The following FOXP2 variants were observed in gnomAD, a reference collection of about 807,000 sequenced individuals.
FOXP2 encodes forkhead box P2.
Under a neutral mutation model 115.8 loss-of-function variants are expected in FOXP2, and 12 were observed. That is an observed-to-expected ratio of 0.10 (90% CI 0.07 to 0.17). The LOEUF is 0.17. FOXP2 is among the 10% of genes least tolerant of loss of function. The pLI, the probability that FOXP2 is intolerant of heterozygous loss-of-function variation, is 1.00. For synonymous variants in FOXP2, 328 were observed against 297.7 expected (o/e 1.10, Z -1.05); for missense variants, 629 against 843.5 (o/e 0.75, Z 3.15).
At chr7:114,504,081 A>C (rs1797695703) in intron 2 of FOXP2, among the ~76,000 whole-genome samples, 1 of 151,646 alleles carries the variant, frequency 6.6e-6, no homozygotes, top group Non-Finnish European at 1.5e-5. Flanking sequence ...GCGATTGCAC[A>C]GTTTTTGCAA....
At chr7:114,252,469 T>A (rs914261983) in intron 1 of FOXP2, among the ~76,000 whole-genome samples, 2 of 152,070 alleles carry the variant, frequency 1.3e-5, no homozygotes, top group Non-Finnish European at 2.9e-5. Flanking sequence ...TCAATTTCAG[T>A]GCCTGTTATT....
chr7:114,471,962 G>C (rs1258265667), intron 2 of FOXP2, among the ~76,000 whole-genome samples: 2 of 120,708 alleles, frequency 1.7e-5, no homozygotes, highest in South Asian at 5.2e-4. Context: ...TCCATCTCAG[G>C]AAAAAAAAAA....
At chr7:114,388,596 G>A (rs771536783) in intron 2 of FOXP2, among the ~76,000 whole-genome samples, 1 of 152,160 alleles carries the variant, frequency 6.6e-6, no homozygotes, top group Non-Finnish European at 1.5e-5. Context: ...AGTTCTGATA[G>A]CCACATTTTA....
At chr7:114,553,976 T>G (rs1383142512) in intron 3 of FOXP2, among the ~76,000 whole-genome samples, 1 of 152,086 alleles carries the variant, frequency 6.6e-6, no homozygotes, top group African/African-American at 2.4e-5. Flanking sequence ...ATTGTGCTTT[T>G]AAATCTTTTT....
At chr7:114,171,794 GA>G (rs1309233425) in intron 1 of FOXP2, among the ~76,000 whole-genome samples, 9 of 152,152 alleles carry the variant, frequency 5.9e-5, no homozygotes, top group Non-Finnish European at 1.3e-4. Flanking sequence ...AAAGTCAATT[GA>G]AAACCTTCTA....
At chr7:114,087,573 G>C (rs1292085148), upstream of FOXP2, among the ~76,000 whole-genome samples, 1 of 150,116 alleles carries the variant, frequency 6.7e-6, no homozygotes, top group East Asian at 2.0e-4. Context: ...GCAGGCGGGC[G>C]GGCAGAGCGC....
At chr7:114,638,903 T>G (rs1805373306) in intron 6 of FOXP2, among the ~76,000 whole-genome samples, 1 of 152,190 alleles carries the variant, frequency 6.6e-6, no homozygotes, top group East Asian at 1.9e-4. Flanking sequence ...TTAAGAAACA[T>G]TATTTGGATT....
intron 2 of FOXP2, among the ~76,000 whole-genome samples, chr7:114,381,186 G>T (rs1259733233): frequency 6.6e-6 from 1 of 152,186 alleles, no homozygotes; most frequent in Non-Finnish European, 1.5e-5. Context: ...TTTGGGATGA[G>T]GATAAGCCAG....
chr7:114,223,481 T>C lies in FOXP2; in HGVS notation c.-102+60393T>C, dbSNP rs569624981. ...TGATTTGAAGGAATTCTTTATATAT[T>C]ATATACATTATATATATATTATATA... On this transcript the variant is annotated intron_variant, in intron 1 of 17. Transcript: ENST00000634411. Among the ~76,000 whole-genome samples the C allele has an allele frequency of 2.2e-4, 32 of 147,116 alleles. 1 individual carries two copies. The South Asian group carries it at 6.7e-3, about 31-fold the overall frequency.
intron 1 of FOXP2, among the ~76,000 whole-genome samples, chr7:114,200,536 T>C (rs1481571388): frequency 6.6e-6 from 1 of 152,242 alleles, no homozygotes; most frequent in Non-Finnish European, 1.5e-5. Flanking sequence ...CATTTATTGA[T>C]CTTGCAGTGC....
At chr7:114,341,357 A>G (rs748143717) in intron 2 of FOXP2, among the ~76,000 whole-genome samples, 14 of 151,248 alleles carry the variant, frequency 9.3e-5, no homozygotes, top group Non-Finnish European at 1.3e-4. Flanking sequence ...AGTGTCTGAC[A>G]TGTAGCAAAA....
chr7:114,491,038 G>T (rs965325160), intron 2 of FOXP2, among the ~76,000 whole-genome samples: 1 of 152,180 alleles, frequency 6.6e-6, no homozygotes, highest in African/African-American at 2.4e-5. Context: ...GGATGGCTGG[G>T]CCAAATGGTA....
chr7:114,473,021 C>T (rs1164804992), intron 2 of FOXP2, among the ~76,000 whole-genome samples: 1 of 152,190 alleles, frequency 6.6e-6, no homozygotes, highest in African/African-American at 2.4e-5. Flanking sequence ...TGCATTATCA[C>T]ATTTAACCTT....
At chr7:114,373,817 A>G (rs1318664830) in intron 2 of FOXP2, among the ~76,000 whole-genome samples, 1 of 152,244 alleles carries the variant, frequency 6.6e-6, no homozygotes, top group Non-Finnish European at 1.5e-5. Context: ...GCAGTGTTCT[A>G]TCCACAGCAT....
At chr7:114,288,031 G>A (rs1282220007) in exon 2 of FOXP2, 1 of 453,176 alleles carries the variant, frequency 2.2e-6, no homozygotes. Flanking sequence ...CTACTCTAAT[G>A]TGATGCTGGG....
At chr7:114,315,016 A>C (rs2129180618) in intron 2 of FOXP2, among the ~76,000 whole-genome samples, 1 of 152,306 alleles carries the variant, frequency 6.6e-6, no homozygotes, top group South Asian at 2.1e-4. Context: ...AAGCATTCTA[A>C]CATTTGCCAC....
At chr7:114,483,001 C>T (rs1339937377) in intron 2 of FOXP2, among the ~76,000 whole-genome samples, 3 of 151,622 alleles carry the variant, frequency 2.0e-5, no homozygotes, top group Admixed American at 6.6e-5. Context: ...AGCTGATAGG[C>T]TTCTGAAGCC....
chr7:114,448,746 C>T (rs1014591978), intron 2 of FOXP2, among the ~76,000 whole-genome samples: 2 of 152,056 alleles, frequency 1.3e-5, no homozygotes, highest in Admixed American at 6.5e-5. Context: ...TAATTAGTAC[C>T]ACAAACCTTC....
At chr7:114,535,283 T>C (rs977499268) in intron 3 of FOXP2, among the ~76,000 whole-genome samples, 4 of 151,718 alleles carry the variant, frequency 2.6e-5, no homozygotes, top group Middle Eastern at 3.4e-3. Context: ...TGTTACATAA[T>C]ATAATCCTTG....
Sources: allele counts gnomAD v4.1 joint callset (sites outside exome capture counted in the v4.1 genomes callset), GRCh38; gene constraint gnomAD v4.1.1; transcripts MANE v1.5; gene names NCBI Gene and HGNC (gene_info 2026-07-23, HGNC 2026-07-21).